MAP3K2: variants seen among roughly 807,000 people sequenced by gnomAD.
MAP3K2 encodes MAP/ERK kinase kinase 2.
MAP3K2 carries 24 observed loss-of-function variants against 80.3 expected under a neutral mutation model. The ratio of observed to expected loss-of-function variants is 0.30; its 90% CI spans 0.22 to 0.42. The LOEUF (loss-of-function observed/expected upper bound fraction) is 0.42. Among genes scored for constraint, MAP3K2 ranks in the 10% least tolerant of loss-of-function variants. MAP3K2 has a pLI of 1.00. For missense variants in MAP3K2, 608 were observed against 750.1 expected (o/e 0.81, Z 2.21); for synonymous variants, 244 against 253.7 (o/e 0.96, Z 0.36).
intron 11 of MAP3K2, 58 bp downstream of exon 11, chr2:127,323,844 T>C: frequency 1.2e-6 from 1 of 809,784 alleles, no homozygotes; most frequent in South Asian, 2.3e-5. Flanking sequence ...ATTTTTGTAT[T>C]TATTTTTGTT....
In MAP3K2 at chr2:127,387,816, C is replaced by G; in HGVS notation, c.-430G>C. Reference sequence around the variant, plus strand: ...GAGACCGGAGAAGAGGCGGGAGTGGCGACTCTGCGGACAGGGGCGCCGAGC... The same window carrying G: ...GAGACCGGAGAAGAGGCGGGAGTGGGGACTCTGCGGACAGGGGCGCCGAGC... On this transcript the variant is annotated 5_prime_UTR_variant, in exon 1 of 17. Coordinates refer to ENST00000682094, the MANE Select transcript of MAP3K2 (RefSeq NM_001371910.2). 1.0e-6 allele frequency: 1 copy of G among 985,182 alleles called. No homozygotes were observed. Among genetic ancestry groups the G allele is most frequent in the African/African-American group, 1.7e-5 (1 of 57,274 alleles). The allele number at this position is 985,182 out of a possible 1,614,324, so 61.0% of individuals were successfully genotyped here.
chr2:127,323,295 G>A (rs183424931), intron 11 of MAP3K2, among the ~76,000 whole-genome samples: 15 of 152,036 alleles, frequency 9.9e-5, no homozygotes, highest in Admixed American at 2.6e-4. Flanking sequence ...GGTGGAGGGT[G>A]CAGTGAGCAG....
intron 1 of MAP3K2, among the ~76,000 whole-genome samples, chr2:127,355,231 A>G (rs1686776305): frequency 1.3e-5 from 2 of 152,158 alleles, no homozygotes; most frequent in African/African-American, 2.4e-5. Context: ...CTTGAAAAAC[A>G]CTTTACCAAG....
intron 1 of MAP3K2, among the ~76,000 whole-genome samples, chr2:127,372,021 C>T (rs1330334002): frequency 1.3e-5 from 2 of 152,100 alleles, no homozygotes; most frequent in East Asian, 1.9e-4. Flanking sequence ...CCACTGGGAG[C>T]GCAAGACTGG....
intron 1 of MAP3K2, among the ~76,000 whole-genome samples, chr2:127,386,801 T>C (rs1687358899): frequency 6.6e-6 from 1 of 152,232 alleles, no homozygotes; most frequent in Non-Finnish European, 1.5e-5. Context: ...AGTCTCATTT[T>C]CTAAACGTAT....
chr2:127,333,334 A>T (rs1348005684), intron 5 of MAP3K2, among the ~76,000 whole-genome samples: 1 of 151,674 alleles, frequency 6.6e-6, no homozygotes, highest in Non-Finnish European at 1.5e-5. Flanking sequence ...CAAACTAACA[A>T]ATCCAAACAA....
At chr2:127,348,078 T>C (rs767151971) in intron 1 of MAP3K2, among the ~76,000 whole-genome samples, 39 of 152,098 alleles carry the variant, frequency 2.6e-4, no homozygotes, top group Non-Finnish European at 5.4e-4. Context: ...ATGTCCTATA[T>C]CCATATGATG....
At chr2:127,314,595 A>G (rs1424877802) in intron 15 of MAP3K2, among the ~76,000 whole-genome samples, 159 bp downstream of exon 15, 1 of 152,224 alleles carries the variant, frequency 6.6e-6, no homozygotes, top group Non-Finnish European at 1.5e-5. Flanking sequence ...GACTGGTGTG[A>G]TAGAACACTG....
chr2:127,359,885 A>T (rs1164241682), intron 1 of MAP3K2, among the ~76,000 whole-genome samples: 2 of 152,118 alleles, frequency 1.3e-5, no homozygotes, highest in Admixed American at 6.5e-5. Flanking sequence ...GCTTCCTATA[A>T]AACCTGCAGA....
intron 2 of MAP3K2, among the ~76,000 whole-genome samples, chr2:127,341,555 CAG>C (rs1346280026): frequency 1.0e-5 from 1 of 97,348 alleles, no homozygotes; most frequent in Non-Finnish European, 1.9e-5. Flanking sequence ...TTTTTTGAGA[CAG>C]AGTCTTGCTC....
chr2:127,358,097 A>G (rs938688538), intron 1 of MAP3K2, among the ~76,000 whole-genome samples: 8 of 152,206 alleles, frequency 5.3e-5, no homozygotes, highest in African/African-American at 1.9e-4. Flanking sequence ...TGTATCCAGA[A>G]TATCTAAAGT....
At chr2:127,345,296 T>C (rs1256946705) in intron 1 of MAP3K2, among the ~76,000 whole-genome samples, 1 of 152,212 alleles carries the variant, frequency 6.6e-6, no homozygotes, top group Non-Finnish European at 1.5e-5. Flanking sequence ...CAGCATTTTA[T>C]AATGAAAGAT....
chr2:127,334,532 G>A (rs1255705174), intron 5 of MAP3K2, among the ~76,000 whole-genome samples: 1 of 152,112 alleles, frequency 6.6e-6, no homozygotes, highest in Non-Finnish European at 1.5e-5. Context: ...CTGGGCTCAA[G>A]CTATCCTCCC....
intron 1 of MAP3K2, among the ~76,000 whole-genome samples, chr2:127,385,495 T>G (rs897022879): frequency 6.6e-6 from 1 of 152,266 alleles, no homozygotes; most frequent in Non-Finnish European, 1.5e-5. Flanking sequence ...AAAAAGTTTA[T>G]GTGACTCACT....
rs777246817 is a variant in MAP3K2, at chr2:127,308,647, T to C, written c.1572A>G (p.Thr524=). The C allele has an allele frequency of 1.7e-5, 27 of 1,613,668 alleles. No homozygotes were observed. Among genetic ancestry groups the C allele is most frequent in the Non-Finnish European group, 2.2e-5 (26 of 1,179,744 alleles). ...TGACTTCAGGGCTCATCCAGTATGG[T>C]GTGCCCGTGACAGACTTCATTCCTG... is the stretch of plus-strand genomic sequence containing the variant. The part of the protein sequence containing the change: ...SGTGMKSVTG[T]PYWMSPEVIS... The change falls in exon 16 of 17, where the codon ACA becomes ACG. Residue 524 remains threonine, a synonymous_variant. Transcript: ENST00000682094.
rs370277194 is a variant in MAP3K2, at chr2:127,380,023, G to A, written c.-66+7429C>T. On this transcript the variant is annotated intron_variant, in intron 1 of 16. Transcript: ENST00000682094. ...TTAACTAAAGTAAAACCAGTATCTC[G>A]TGGGAGAAAAAAAGAAACAAAGGAA... 3.1e-4 allele frequency among the ~76,000 whole-genome samples: 47 copies of A among 152,254 alleles called. No individual in the cohort carries two copies. The South Asian group carries it at 7.5e-3, about 24-fold the overall frequency.
chr2:127,317,985 A>G (rs970751655), intron 13 of MAP3K2, among the ~76,000 whole-genome samples, 184 bp downstream of exon 13: 3 of 152,104 alleles, frequency 2.0e-5, no homozygotes, highest in Non-Finnish European at 2.9e-5. Context: ...AGAAAAATCC[A>G]TATTAAAAAA....
At chr2:127,324,075 AT>A in intron 10 of MAP3K2, 81 bp from the exon 11 acceptor site, 1 of 1,102,844 alleles carries the variant, frequency 9.1e-7, no homozygotes, top group Non-Finnish European at 1.3e-6. Flanking sequence ...ACATTTATAA[AT>A]CTTTATTTGA....
intron 16 of MAP3K2, among the ~76,000 whole-genome samples, chr2:127,308,373 C>A (rs990561899): frequency 2.0e-5 from 3 of 152,184 alleles, no homozygotes; most frequent in Non-Finnish European, 4.4e-5. Flanking sequence ...CAAAATCCTT[C>A]CTAAAGAATG....
Sources: gnomAD v4.1 joint callset for allele counts (sites outside exome capture counted in the v4.1 genomes callset) on GRCh38, gnomAD v4.1.1 for gene constraint, MANE v1.5 for transcripts, NCBI Gene and HGNC (gene_info 2026-07-23, HGNC 2026-07-21) for gene names.